The following NELFE variants were observed in gnomAD, a reference collection of about 807,000 sequenced individuals.
NELFE encodes negative elongation factor complex member E, also known as negative elongation factor E.
In NELFE, 26 loss-of-function variants were observed where a neutral mutation model predicts 55.5. The ratio of observed to expected loss-of-function variants is 0.47; its 90% confidence interval spans 0.34 to 0.65. NELFE has a LOEUF of 0.65. Among genes scored for constraint, NELFE ranks in the 30% least tolerant of loss-of-function variants. The probability of loss-of-function intolerance (pLI) is 0.01; values close to 1 mark genes in which losing one functional copy is unlikely to be tolerated. For synonymous variants in NELFE, 162 were observed against 178.0 expected (o/e 0.91, Z 0.72); for missense variants, 403 against 506.9 (o/e 0.80, Z 1.97).
chr6:31,955,415 T>C (rs1772017040), intron 4 of NELFE, 122 bp from the exon 5 acceptor site: 1 of 634,854 alleles, frequency 1.6e-6, no homozygotes, highest in Non-Finnish European at 2.6e-6. Context: ...CTTTTAATTC[T>C]ACATACATTT....
In NELFE at chr6:31,952,315, C is replaced by T. The variant is rs1343309914; in HGVS notation, c.1129G>A (p.Val377Met). The change falls in exon 11 of 11, where the codon GTG becomes ATG. Residue 377 changes from valine (V) to methionine (M), a missense_variant. By Grantham distance (21) the Val-to-Met change is conservative (BLOSUM62 1). Transcript: ENST00000375429. ...AGCTCTGTTCCCTAGAAGCCATCCA[C>T]AAGGTTTTCCTTGTAGACGTCATCA... ...YSDDVYKENLVDGF is the reference protein window; with the variant it reads ...YSDDVYKENLMDGF The T allele has an allele frequency of 6.2e-7, 1 of 1,613,834 alleles. No homozygotes were observed. The highest frequency in any genetic ancestry group is 2.2e-5 in the East Asian group (1 of 44,882).
chr6:31,958,413 C>T lies in NELFE; in HGVS notation c.34G>A (p.Glu12Lys), dbSNP rs961328174. ...LVIPPGLSEEEEALQKKFNKL... is the reference protein window; with the variant it reads ...LVIPPGLSEEKEALQKKFNKL... Reference sequence around the variant, plus strand: ...TTGAATTTCTTCTGCAGAGCCTCCTCTTCCTCGCTCAGTCCGGGGGGTATC... The same window carrying T: ...TTGAATTTCTTCTGCAGAGCCTCCTTTTCCTCGCTCAGTCCGGGGGGTATC... Residue 12 changes from glutamate (E) to lysine (K), a missense_variant, in exon 2 of 11, where the codon GAG becomes AAG. Transcript: ENST00000375429. 2.8e-5 allele frequency: 45 copies of T among 1,613,130 alleles called. No individual in the cohort carries two copies. Among genetic ancestry groups the T allele is most frequent in the Non-Finnish European group, 3.8e-5 (45 of 1,180,048 alleles).
At chr6:31,957,636 G>C (rs1225717154) in intron 2 of NELFE, among the ~76,000 whole-genome samples, 2 of 152,198 alleles carry the variant, frequency 1.3e-5, no homozygotes, top group Admixed American at 1.3e-4. Flanking sequence ...GAAGGCTTTG[G>C]GAATGCATCT....
intron 2 of NELFE, 68 bp downstream of exon 2, chr6:31,958,300 ACACT>A (rs1226154676): frequency 7.0e-7 from 1 of 1,429,154 alleles, no homozygotes; most frequent in East Asian, 2.3e-5. Context: ...CCATTCGCTC[ACACT>A]CACCCCATAT....
At chr6:31,956,345 G>A (rs537150510) in intron 4 of NELFE, among the ~76,000 whole-genome samples, 1 of 152,262 alleles carries the variant, frequency 6.6e-6, no homozygotes, top group South Asian at 2.1e-4. Context: ...CAAAGTGCTG[G>A]GATTACAGGC....
At position 31,956,646 on chromosome 6, in the gene NELFE, C is replaced by T. The variant is rs138321095; in HGVS notation, c.291+47G>A. 3.2e-6 allele frequency: 5 copies of T among 1,553,678 alleles called. No individual in the cohort carries two copies. In the African/African-American group the frequency reaches 5.4e-5, roughly 17 times the overall value. ...ATTTTTCCCCAAACCCATCTACATT[C>T]CAACTTGGAGGGATGCCCTTTAAAC... On this transcript the variant is annotated intron_variant, in intron 4 of 10. Transcript: ENST00000375429.
intron 4 of NELFE, among the ~76,000 whole-genome samples, chr6:31,956,313 T>C (rs952438972): frequency 6.6e-6 from 1 of 151,004 alleles, no homozygotes; most frequent in Non-Finnish European, 1.5e-5. Context: ...TAATCTCAAG[T>C]GATCTGCCCA....
chr6:31,958,494 T>A, intron 1 of NELFE, 40 bp from the exon 2 acceptor site: 1 of 1,558,984 alleles, frequency 6.4e-7, no homozygotes, highest in East Asian at 2.2e-5. Flanking sequence ...TTCTCCACTG[T>A]TACCACCCGG....
At chr6:31,955,623 A>ATTTTTTTTT (rs1187879033) in intron 4 of NELFE, among the ~76,000 whole-genome samples, 1 of 115,620 alleles carries the variant, frequency 8.6e-6, no homozygotes, top group Non-Finnish European at 1.8e-5. Flanking sequence ...TAATTTCTGT[A>ATTTTTTTTT]TTTTTTTTTT....
rs771309335 is a variant in NELFE at position 31,956,969 on chromosome 6, G to A, written c.117C>T (p.Ser39=). The part of the protein sequence containing the change: ...LLALKKQSSS[S]TTSQGGVKRS... ...GTTTGACACCACCTTGGCTGGTTGT[G>A]CTGCTGCTACTTTGCTTCTTCAGAG... is the stretch of plus-strand genomic sequence containing the variant. Residue 39 remains serine (S), a synonymous_variant, in exon 3 of 11, where the codon AGC becomes AGT. Transcript: ENST00000375429. 1.2e-6 allele frequency: 2 copies of A among 1,604,396 alleles called. No homozygotes were observed. Among genetic ancestry groups the A allele is most frequent in the Non-Finnish European group, 1.7e-6 (2 of 1,172,698 alleles).
chr6:31,955,092 G>C lies in NELFE; in HGVS notation c.371C>G (p.Ser124Cys), dbSNP rs754851415. 1.2e-6 allele frequency: 2 copies of C among 1,613,080 alleles called. No homozygotes were observed. The highest frequency in any genetic ancestry group is 1.7e-6 in the Non-Finnish European group (2 of 1,180,026). The change falls in exon 6 of 11, where the codon TCC becomes TGC. Residue 124 changes from serine (S) to cysteine (C), a missense_variant. By Grantham distance (112) the Ser-to-Cys change is moderately radical (BLOSUM62 -1). This residue lies in a region of NELFE where 97 missense variants were observed against 155.3 expected (regional missense o/e 0.62). Coordinates refer to ENST00000375429, the MANE Select transcript of NELFE (RefSeq NM_002904.6). The stretch of plus-strand genomic sequence containing the variant: ...CAGAGATTTCCTCTGGGGACGTCTG[G>C]ATGACTGTAAAAGAGACCAAGAACA... Reference protein sequence around the residue: ...ISADDDLQESSRRPQRKSLYE... With the variant: ...ISADDDLQESCRRPQRKSLYE...
At position 31,954,920 on chromosome 6, in the gene NELFE, G is replaced by A; in HGVS notation, c.405-28C>T. ...GGGGAGATGCAGACTGAAGATCAAA[G>A]GGGGGTTTTACCTTCTCCCCTCAGA... On this transcript the variant is annotated intron_variant, in intron 6 of 10. Coordinates refer to ENST00000375429, the MANE Select transcript of NELFE (RefSeq NM_002904.6). This position sits in a 1 kb window ranked among gnomAD's most constrained non-coding sequence, Gnocchi z 5.5. 2 of 1,578,574 alleles carry A rather than the reference G, an allele frequency of 1.3e-6. No individual in the cohort carries two copies. The highest frequency in any genetic ancestry group is 1.7e-6 in the Non-Finnish European group (2 of 1,162,712).
At chr6:31,958,279 GA>G in intron 2 of NELFE, 92 bp downstream of exon 2, 1 of 1,237,094 alleles carries the variant, frequency 8.1e-7, no homozygotes. Flanking sequence ...GTATGGGCCA[GA>G]AAAACTTCCC....
At position 31,954,235 on chromosome 6, in the gene NELFE, C is replaced by T; in HGVS notation, c.887+63G>A. 1 of 1,610,504 alleles carries T rather than the reference C, an allele frequency of 6.2e-7. No homozygotes were observed. The highest frequency in any genetic ancestry group is 1.3e-5 in the African/African-American group (1 of 74,842). The stretch of plus-strand genomic sequence containing the variant: ...CGGCTGCAGGGAGGGCAGCTTCTTC[C>T]CTCAGGTCTCACACCCCAGGATTCT... On this transcript the variant is annotated intron_variant, in intron 8 of 10. Transcript: ENST00000375429. This position sits in a 1 kb window ranked among gnomAD's most constrained non-coding sequence, Gnocchi z 5.5.
At position 31,954,649 on chromosome 6, in the gene NELFE, C is replaced by T; in HGVS notation, c.648G>A (p.Arg216=). The part of the protein sequence containing the change: ...RDRDRDRDRE[R]DRDRDRDRDR... ...CTCGATCCCGATCCCGATCCCTGTC[C>T]CGCTCTCTGTCTCTGTCTCGATCCC... The change falls in exon 7 of 11, where the codon CGG becomes CGA. Residue 216 remains arginine, a synonymous_variant. Transcript: ENST00000375429. This position sits in a 1 kb window ranked among gnomAD's most constrained non-coding sequence, Gnocchi z 5.5. 1.2e-6 allele frequency: 2 copies of T among 1,602,024 alleles called. No individual in the cohort carries two copies. The highest frequency in any genetic ancestry group is 1.7e-6 in the Non-Finnish European group (2 of 1,174,144).
In NELFE at chr6:31,955,273, G is replaced by T; in HGVS notation, c.312C>A (p.Val104=). The T allele has an allele frequency of 6.3e-7, 1 of 1,591,786 alleles. No individual in the cohort carries two copies. The highest frequency in any genetic ancestry group is 8.5e-7 in the Non-Finnish European group (1 of 1,170,198). Residue 104 remains valine (V), a synonymous_variant, in exon 5 of 11, where the codon GTC becomes GTA. Transcript: ENST00000375429. Reference sequence around the variant, plus strand: ...TCCTCTGGAACGGCTGGAAAGTGGGGACTGGTCCCTTCTCGGGGTCCTGGA... The same window carrying T: ...TCCTCTGGAACGGCTGGAAAGTGGGTACTGGTCCCTTCTCGGGGTCCTGGA... The part of the protein sequence containing the change: ...GKLKDPEKGP[V]PTFQPFQRSI...
At position 31,954,260 on chromosome 6, in the gene NELFE, T is replaced by C. The variant is rs750154980; in HGVS notation, c.887+38A>G. The C allele has an allele frequency of 4.3e-6, 7 of 1,609,470 alleles. No homozygotes were observed. The South Asian group carries it at 4.4e-5, about 10-fold the overall frequency. On this transcript the variant is annotated intron_variant, in intron 8 of 10. Coordinates refer to ENST00000375429, the MANE Select transcript of NELFE (RefSeq NM_002904.6). The surrounding 1 kb of genome is among the most constrained non-coding windows in gnomAD (Gnocchi z 5.5). The stretch of plus-strand genomic sequence containing the variant: ...CCTCAGGTCTCACACCCCAGGATTC[T>C]CCCAGGACTTCTCATCATGCCCTGT...
chr6:31,952,584 A>C (rs143905510), intron 10 of NELFE, among the ~76,000 whole-genome samples, 186 bp from the exon 11 acceptor site: 3 of 152,228 alleles, frequency 2.0e-5, no homozygotes, highest in Non-Finnish European at 4.4e-5. Flanking sequence ...CAAGAAAAGT[A>C]TAAGTGGACA....
In NELFE at chr6:31,953,737, C is replaced by A. The variant is rs770675909; in HGVS notation, c.1037G>T (p.Gly346Val). The change falls in exon 10 of 11, where the codon GGC (glycine) becomes GTC (valine). Residue 346 changes from glycine (G) to valine (V), a missense_variant. This residue lies in a region of NELFE where 77 missense variants were observed against 123.3 expected (regional missense o/e 0.62). Coordinates refer to ENST00000375429, the MANE Select transcript of NELFE (RefSeq NM_002904.6). ...AAGAATCCCATTCTTACCGAGGGAG[C>A]CCCAGACAGACTTGCCAGTAGCGGC... The part of the protein sequence containing the change: ...LDAATGKSVW[G>V]SLAVQNSPKG... The A allele has an allele frequency of 1.1e-5, 17 of 1,612,530 alleles. No individual in the cohort carries two copies. In the South Asian group the frequency reaches 1.9e-4, roughly 18 times the overall value.
Sources: gnomAD v4.1 joint callset for allele counts (sites outside exome capture counted in the v4.1 genomes callset) on GRCh38, gnomAD v4.1.1 for gene constraint, gnomAD v4.1.1 regional missense constraint, Gnocchi (gnomAD v3.1) non-coding constraint, MANE v1.5 for transcripts, NCBI Gene and HGNC (gene_info 2026-07-23, HGNC 2026-07-21) for gene names.